The following ZFYVE9 variants were observed in gnomAD, a reference collection of about 807,000 sequenced individuals.
ZFYVE9 encodes the protein zinc finger FYVE-type containing 9.
In ZFYVE9, 43 loss-of-function variants were observed where a neutral mutation model predicts 126.7. The observed-to-expected ratio is 0.34, with a 90% CI of 0.27 to 0.44. ZFYVE9 has a LOEUF of 0.44. Among genes scored for constraint, ZFYVE9 ranks in the 20% least tolerant of loss-of-function variants. The pLI is 1.00. For missense variants in ZFYVE9, 1,476 were observed against 1,697.0 expected (o/e 0.87, Z 2.29); for synonymous variants, 521 against 597.4 (o/e 0.87, Z 1.87).
intron 17 of ZFYVE9, among the ~76,000 whole-genome samples, chr1:52,340,481 A>C (rs1457046256): frequency 6.6e-6 from 1 of 152,248 alleles, no homozygotes; most frequent in African/African-American, 2.4e-5. Flanking sequence ...GGAACTCCAG[A>C]AGAGTAGATC....
intron 13 of ZFYVE9, among the ~76,000 whole-genome samples, chr1:52,310,223 C>T (rs1646125184): frequency 6.6e-6 from 1 of 152,132 alleles, no homozygotes; most frequent in African/African-American, 2.4e-5. Context: ...CTTGCCTCAG[C>T]CTCCCAAAGT....
intron 9 of ZFYVE9, 47 bp downstream of exon 9, chr1:52,278,661 C>A: frequency 1.6e-6 from 2 of 1,273,712 alleles, no homozygotes; most frequent in Non-Finnish European, 1.1e-6. Context: ...TTTACTGACT[C>A]ATAGTACATA....
chr1:52,160,666 G>A (rs1048467789), intron 1 of ZFYVE9: 9 of 590,662 alleles, frequency 1.5e-5, no homozygotes, highest in Middle Eastern at 7.9e-4. Flanking sequence ...CGCCTGCGTC[G>A]GCCTCCTGCA....
chr1:52,232,907 C>G (rs1315062925), intron 2 of ZFYVE9, among the ~76,000 whole-genome samples: 1 of 151,944 alleles, frequency 6.6e-6, no homozygotes, highest in Non-Finnish European at 1.5e-5. Flanking sequence ...TGATTCCTTT[C>G]CCAGCATCTG....
intron 15 of ZFYVE9, chr1:52,335,030 TC>T: frequency 6.9e-6 from 2 of 290,632 alleles, no homozygotes; most frequent in Non-Finnish European, 1.3e-5. Context: ...TAGTCTGAGT[TC>T]AAATATATCA....
intron 13 of ZFYVE9, among the ~76,000 whole-genome samples, chr1:52,323,301 T>C (rs575348159): frequency 2.6e-5 from 4 of 152,362 alleles, no homozygotes; most frequent in South Asian, 2.1e-4. Context: ...CTCTCCTATT[T>C]AAAATTGTAC....
intron 10 of ZFYVE9, among the ~76,000 whole-genome samples, chr1:52,284,002 A>G (rs1645829692): frequency 6.6e-6 from 1 of 152,210 alleles, no homozygotes; most frequent in African/African-American, 2.4e-5. Context: ...GCTTCAATTC[A>G]GTAGGATTTG....
At chr1:52,275,150 A>T (rs1272424135) in intron 8 of ZFYVE9, among the ~76,000 whole-genome samples, 2 of 152,148 alleles carry the variant, frequency 1.3e-5, no homozygotes, top group Non-Finnish European at 2.9e-5. Context: ...TGGTACATGG[A>T]TATAGTGGAT....
intron 1 of ZFYVE9, among the ~76,000 whole-genome samples, chr1:52,188,908 AC>A (rs1644790611): frequency 6.6e-6 from 1 of 151,932 alleles, no homozygotes; most frequent in African/African-American, 2.4e-5. Context: ...TGCGGTAATC[AC>A]CACTGTCTTA....
intron 4 of ZFYVE9, among the ~76,000 whole-genome samples, chr1:52,240,870 C>T (rs368292951): frequency 1.3e-5 from 2 of 152,202 alleles, no homozygotes; most frequent in African/African-American, 4.8e-5. Context: ...CTGGGATTAT[C>T]TAATCAATCA....
At chr1:52,158,882 T>C (rs1003856595) in intron 1 of ZFYVE9, among the ~76,000 whole-genome samples, 3 of 151,604 alleles carry the variant, frequency 2.0e-5, no homozygotes, top group African/African-American at 7.3e-5. Context: ...AAGCTCCGCC[T>C]CCCAGGTTCA....
At position 52,237,948 on chromosome 1, in the gene ZFYVE9, T is replaced by A. The variant is rs1289244915; in HGVS notation, c.531T>A (p.Leu177=). ...QDCNNYNSQS[L]MDAFSCSLDN... ...GTAATAATTATAATAGTCAATCCCT[T>A]ATGGATGCTTTTAGCTGTTCACTGG... The change falls in exon 4 of 19, where the codon CTT becomes CTA. Residue 177 remains leucine (L), a synonymous_variant. Coordinates refer to ENST00000287727, the MANE Select transcript of ZFYVE9 (RefSeq NM_004799.4). 1 of 1,614,038 alleles carries A rather than the reference T, an allele frequency of 6.2e-7. No homozygotes were observed.
At chr1:52,270,585 T>C (rs1645682793) in intron 7 of ZFYVE9, among the ~76,000 whole-genome samples, 1 of 152,280 alleles carries the variant, frequency 6.6e-6, no homozygotes, top group Admixed American at 6.5e-5. Context: ...TTTTTACATA[T>C]ATGTGTGTGC....
At chr1:52,152,944 C>T (rs1042192855) in intron 1 of ZFYVE9, among the ~76,000 whole-genome samples, 29 of 152,196 alleles carry the variant, frequency 1.9e-4, no homozygotes, top group African/African-American at 6.8e-4. Context: ...TAGGGAGAGC[C>T]TCAGTCTGTG....
At chr1:52,339,086 A>G (rs890529383) in intron 16 of ZFYVE9, among the ~76,000 whole-genome samples, 1 of 152,234 alleles carries the variant, frequency 6.6e-6, no homozygotes, top group African/African-American at 2.4e-5. Context: ...TCTGTGTGCC[A>G]ATTATTTTGA....
In ZFYVE9 at chr1:52,321,779, T is replaced by C. The variant is rs1017225916; in HGVS notation, c.3439-10989T>C. On this transcript the variant is annotated intron_variant, in intron 13 of 18. Coordinates refer to ENST00000287727, the MANE Select transcript of ZFYVE9 (RefSeq NM_004799.4). The stretch of plus-strand genomic sequence containing the variant: ...AGCACCACAAGAAGTTCTGGACTCC[T>C]AGGGCATCCCTCATTTATCGTAATT... 3.9e-5 allele frequency among the ~76,000 whole-genome samples: 6 copies of C among 152,362 alleles called. No homozygotes were observed. In the East Asian group the frequency reaches 1.2e-3, roughly 29 times the overall value.
intron 18 of ZFYVE9, 150 bp from the exon 19 acceptor site, chr1:52,345,910 C>A: frequency 1.3e-6 from 1 of 763,462 alleles, no homozygotes; most frequent in Non-Finnish European, 1.9e-6. Context: ...AAGTGATCAC[C>A]CAGAAAAGAG....
At chr1:52,319,400 G>T (rs983866107) in intron 13 of ZFYVE9, among the ~76,000 whole-genome samples, 1 of 151,986 alleles carries the variant, frequency 6.6e-6, no homozygotes, top group East Asian at 1.9e-4. Flanking sequence ...CGATGTGGGC[G>T]GATCACATGA....
intron 1 of ZFYVE9, among the ~76,000 whole-genome samples, chr1:52,196,918 A>G (rs2124562407): frequency 6.6e-6 from 1 of 152,294 alleles, no homozygotes; most frequent in Admixed American, 6.5e-5. Flanking sequence ...AAATTGTGCC[A>G]GACCTCATAA....
Sources: gnomAD v4.1 joint callset for allele counts (sites outside exome capture counted in the v4.1 genomes callset) on GRCh38, gnomAD v4.1.1 for gene constraint, MANE v1.5 for transcripts, NCBI Gene and HGNC (gene_info 2026-07-23, HGNC 2026-07-21) for gene names.